The following SOCS7 variants were observed in gnomAD, a reference collection of about 807,000 sequenced individuals.
The protein encoded by SOCS7 is NAP-4.
Under a neutral mutation model 58.9 loss-of-function variants are expected in SOCS7, and 18 were observed. The ratio of observed to expected loss-of-function variants is 0.31; its 90% confidence interval spans 0.21 to 0.45. SOCS7 has a LOEUF of 0.45. Ranked by LOEUF, SOCS7 falls within the 20% of genes least tolerant of loss-of-function variation. The pLI is 1.00. For synonymous variants in SOCS7, 388 were observed against 364.3 expected (o/e 1.06, Z -0.74); for missense variants, 667 against 837.3 (o/e 0.80, Z 2.51).
At chr17:38,389,105 G>C (rs1209849313) in intron 7 of SOCS7, among the ~76,000 whole-genome samples, 2 of 152,160 alleles carry the variant, frequency 1.3e-5, no homozygotes, top group Non-Finnish European at 2.9e-5. Flanking sequence ...TTTGAATATA[G>C]CCATCCTAGT....
chr17:38,398,973 C>T (rs964827700), intron 9 of SOCS7, among the ~76,000 whole-genome samples: 1 of 151,904 alleles, frequency 6.6e-6, no homozygotes, highest in South Asian at 2.1e-4. Context: ...GCCTGTAATC[C>T]CAGCTACTTG....
chr17:38,395,986 G>T lies in SOCS7; in HGVS notation c.*18G>T. On this transcript the variant is annotated 3_prime_UTR_variant, in exon 9 of 10. Coordinates refer to ENST00000612932, the MANE Select transcript of SOCS7 (RefSeq NM_014598.4). ...CCACGTAGCGAGGGGCTCCCTGCTG[G>T]TCACCACCAAGGGTATGAGCTCTCT... 6.3e-7 allele frequency: 1 copy of T among 1,591,600 alleles called. No homozygotes were observed. The highest frequency in any genetic ancestry group is 8.5e-7 in the Non-Finnish European group (1 of 1,174,760).
intron 6 of SOCS7, among the ~76,000 whole-genome samples, chr17:38,370,406 C>T (rs888746118): frequency 6.6e-6 from 1 of 152,078 alleles, no homozygotes; most frequent in Non-Finnish European, 1.5e-5. Context: ...GTGGTGAGAT[C>T]ATGCCTCGTC....
intron 6 of SOCS7, among the ~76,000 whole-genome samples, chr17:38,370,578 C>G (rs1484627632): frequency 6.6e-6 from 1 of 151,340 alleles, no homozygotes; most frequent in Non-Finnish European, 1.5e-5. Context: ...TGGACTGGAG[C>G]AATTCTACTG....
intron 2 of SOCS7, among the ~76,000 whole-genome samples, chr17:38,363,525 G>A (rs2037747459): frequency 6.6e-6 from 1 of 152,116 alleles, no homozygotes; most frequent in Non-Finnish European, 1.5e-5. Context: ...TGTAGAGACG[G>A]GGTCTTAACG....
intron 6 of SOCS7, among the ~76,000 whole-genome samples, chr17:38,370,858 C>T: frequency 6.6e-6 from 1 of 151,466 alleles, no homozygotes. Context: ...ACCATATTGG[C>T]CAAGCTTGTC....
intron 6 of SOCS7, among the ~76,000 whole-genome samples, chr17:38,368,777 C>G (rs972055637): frequency 6.6e-6 from 1 of 152,204 alleles, no homozygotes; most frequent in African/African-American, 2.4e-5. Flanking sequence ...GCTTGGATTA[C>G]AGGTGTGTCT....
At position 38,400,487 on chromosome 17, in the gene SOCS7, G is replaced by A. The variant is rs1372607353; in HGVS notation, c.*1005G>A. 6.6e-6 allele frequency: 1 copy of A among 152,246 alleles called. No individual in the cohort carries two copies. Among genetic ancestry groups the A allele is most frequent in the African/African-American group, 2.4e-5 (1 of 41,462 alleles). The allele number at this position is 152,246 out of a possible 1,614,324, so 9.4% of individuals were successfully genotyped here. On this transcript the variant is annotated 3_prime_UTR_variant, in exon 10 of 10. Transcript: ENST00000612932. ...TACTTCCATGTGCCTGTCAGCTTGT[G>A]AGGGGGAATGTGGAGGAAGGTGAGA... is the stretch of plus-strand genomic sequence containing the variant.
intron 7 of SOCS7, among the ~76,000 whole-genome samples, chr17:38,387,101 AAATAT>A (rs1477765954): frequency 3.0e-4 from 26 of 85,530 alleles, no homozygotes; most frequent in South Asian, 1.7e-3. Context: ...AAAAAAAAAA[AAATAT>A]ATATATATAT....
At chr17:38,361,634 A>G (rs767154432) in intron 1 of SOCS7, 77 bp from the exon 2 acceptor site, 36 of 1,090,782 alleles carry the variant, frequency 3.3e-5, no homozygotes, top group Admixed American at 2.2e-4. Context: ...TGCATCTGGA[A>G]CTGAGTGTTG....
At chr17:38,363,815 A>T (rs934723337) in intron 2 of SOCS7, among the ~76,000 whole-genome samples, 21 of 151,420 alleles carry the variant, frequency 1.4e-4, no homozygotes, top group African/African-American at 2.2e-4. Context: ...GCCCTGAATT[A>T]AAAAAAAAGG....
At position 38,401,300 on chromosome 17, in the gene SOCS7, T is replaced by A. The variant is rs2038315742; in HGVS notation, c.*1818T>A. 1 of 152,160 alleles carries A rather than the reference T, an allele frequency of 6.6e-6. No homozygotes were observed. Among genetic ancestry groups the A allele is most frequent in the Admixed American group, 6.5e-5 (1 of 15,278 alleles). The allele number at this position is 152,160 out of a possible 1,614,324, so 9.4% of individuals were successfully genotyped here. On this transcript the variant is annotated 3_prime_UTR_variant, in exon 10 of 10. Transcript: ENST00000612932. ...GGTAGTATTATCAACTAAGCAAGATTGTGATCCCAGAAATTGGCTTAGCAT... is the reference window on the plus strand; with the variant it reads ...GGTAGTATTATCAACTAAGCAAGATAGTGATCCCAGAAATTGGCTTAGCAT...
intron 7 of SOCS7, among the ~76,000 whole-genome samples, chr17:38,387,967 T>C (rs2038102468): frequency 2.0e-5 from 3 of 151,850 alleles, no homozygotes; most frequent in African/African-American, 7.3e-5. Context: ...AGACGGGATT[T>C]CGCCATGTTG....
chr17:38,359,289 T>G (rs2037683425), intron 1 of SOCS7, among the ~76,000 whole-genome samples: 1 of 152,212 alleles, frequency 6.6e-6, no homozygotes, highest in Admixed American at 6.5e-5. Context: ...TGGCCATATC[T>G]TATTTTTATG....
rs1209955993 is a variant in SOCS7 at position 38,404,561 on chromosome 17, CAGAA to C, written c.*5082_*5085del. 1 of 152,316 alleles carries C rather than the reference CAGAA, an allele frequency of 6.6e-6. No homozygotes were observed. Among genetic ancestry groups the C allele is most frequent in the Non-Finnish European group, 1.5e-5 (1 of 68,144 alleles). The allele number at this position is 152,316 out of a possible 1,614,324, so 9.4% of individuals were successfully genotyped here. Reference sequence around the variant, plus strand: ...ACACCAAGAGGCCTGGAGGGGCAGACAGAAAGCAGCCAGCCACGGCGGGAAGACA... The same window carrying C: ...ACACCAAGAGGCCTGGAGGGGCAGACAGCAGCCAGCCACGGCGGGAAGACA... On this transcript the variant is annotated 3_prime_UTR_variant, in exon 10 of 10. Coordinates refer to ENST00000612932, the MANE Select transcript of SOCS7 (RefSeq NM_014598.4).
At chr17:38,389,900 C>CATATATATATGTACATATATATATATGT (rs1263290062) in intron 7 of SOCS7, among the ~76,000 whole-genome samples, 9 of 20,180 alleles carry the variant, frequency 4.5e-4, no homozygotes, top group South Asian at 3.3e-3. Context: ...TATATATATA[C>CATATATATATGTACATATATATATATGT]ACATATAGAG....
chr17:38,363,534 C>G (rs587768637), intron 2 of SOCS7, among the ~76,000 whole-genome samples: 1 of 152,134 alleles, frequency 6.6e-6, no homozygotes, highest in Non-Finnish European at 1.5e-5. Flanking sequence ...GGGGTCTTAA[C>G]GTGTTGCCCA....
intron 9 of SOCS7, among the ~76,000 whole-genome samples, chr17:38,399,102 AAAAG>A (rs60931589): frequency 0.019 from 2,869 of 149,884 alleles, 72 homozygotes; most frequent in African/African-American, 0.068. Context: ...AAAAAAAAAA[AAAAG>A]AAAGAAAGAA....
At chr17:38,395,200 T>A in intron 7 of SOCS7, 109 bp from the exon 8 acceptor site, 1 of 1,133,780 alleles carries the variant, frequency 8.8e-7, no homozygotes, top group Non-Finnish European at 1.3e-6. Context: ...AATACATATA[T>A]GAACCATAAA....
Sources: allele counts gnomAD v4.1 joint callset (sites outside exome capture counted in the v4.1 genomes callset), GRCh38; gene constraint gnomAD v4.1.1; transcripts MANE v1.5; gene names NCBI Gene and HGNC (gene_info 2026-07-23, HGNC 2026-07-21).